Variants in EFCAB12 observed in about 807,000 individuals in gnomAD.
The protein encoded by EFCAB12 is EF-hand calcium-binding domain-containing protein 12.
A neutral mutation model predicts 53.6 loss-of-function variants in EFCAB12; 43 were observed. The ratio of observed to expected loss-of-function variants is 0.80; its 90% CI spans 0.63 to 1.03. EFCAB12 has a LOEUF of 1.03. Ranked by LOEUF, EFCAB12 falls within the 50% of genes least tolerant of loss-of-function variation. The pLI, the probability that EFCAB12 is intolerant of heterozygous loss-of-function variation, is 0.00. For synonymous variants in EFCAB12, 269 were observed against 289.2 expected (o/e 0.93, Z 0.71); for missense variants, 646 against 730.6 (o/e 0.88, Z 1.34).
At chr3:129,402,660 A>C in intron 7 of EFCAB12, 81 bp from the exon 8 acceptor site, 2 of 1,361,814 alleles carry the variant, frequency 1.5e-6, no homozygotes, top group Non-Finnish European at 2.0e-6. Context: ...TCAGGGCCGC[A>C]GGGGTGGACC....
Position 129,417,376 on chromosome 3 carries a change from A to C in EFCAB12, c.681+878T>G, listed in dbSNP as rs557129150. Among the ~76,000 whole-genome samples, 48 of 139,402 alleles carry C rather than the reference A, an allele frequency of 3.4e-4. 3 individuals are homozygous for C. In the South Asian group the frequency reaches 0.01, roughly 30 times the overall value. The allele number at this position is 139,402 out of a possible 152,430, so 91.5% of individuals were successfully genotyped here. ...AAACCCAAAACCAAAAAAAAAAAAA[A>C]CTAAAAACAAAAAACCTCAGATAGT... On this transcript the variant is annotated intron_variant, in intron 3 of 8. Coordinates refer to ENST00000505956, the MANE Select transcript of EFCAB12 (RefSeq NM_207307.3).
chr3:129,410,016 T>TG (rs2072014362), intron 5 of EFCAB12, among the ~76,000 whole-genome samples: 1 of 149,476 alleles, frequency 6.7e-6, no homozygotes, highest in Non-Finnish European at 1.5e-5. Context: ...ATTTATTTAT[T>TG]TTTTTTTTTA....
intron 1 of EFCAB12, among the ~76,000 whole-genome samples, chr3:129,423,367 C>T (rs2072212883): frequency 6.6e-6 from 1 of 152,150 alleles, no homozygotes; most frequent in Admixed American, 6.5e-5. Flanking sequence ...TAGCTTATGC[C>T]TGTAATCCAA....
intron 3 of EFCAB12, among the ~76,000 whole-genome samples, chr3:129,417,362 CAAAAAAAAAAAAAACTAA>C (rs1369354917): frequency 8.1e-6 from 1 of 123,832 alleles, no homozygotes; most frequent in Non-Finnish European, 1.8e-5. Context: ...AACCCAAAAC[CAAAAAAAAAAAAAACTAA>C]AAACAAAAAA....
At chr3:129,423,321 G>T (rs9852194) in intron 1 of EFCAB12, among the ~76,000 whole-genome samples, 1 of 152,136 alleles carries the variant, frequency 6.6e-6, no homozygotes, top group Non-Finnish European at 1.5e-5. Flanking sequence ...TAACAGTTTG[G>T]AAGTGTTCTA....
intron 1 of EFCAB12, among the ~76,000 whole-genome samples, chr3:129,423,053 G>C (rs9851725): frequency 6.6e-6 from 1 of 152,076 alleles, no homozygotes; most frequent in African/African-American, 2.4e-5. Context: ...ACAGACCTAT[G>C]ATGCTGGTAC....
intron 1 of EFCAB12, among the ~76,000 whole-genome samples, chr3:129,423,762 C>T (rs913510258): frequency 6.6e-6 from 1 of 152,184 alleles, no homozygotes; most frequent in African/African-American, 2.4e-5. Flanking sequence ...AAAGTTCAAG[C>T]TCCTTAACCT....
At chr3:129,403,589 C>G (rs2071905395) in intron 7 of EFCAB12, 1 of 152,378 alleles carries the variant, frequency 6.6e-6, no homozygotes, top group Non-Finnish European at 1.5e-5. Flanking sequence ...GCCAGCTGGG[C>G]TCTCCTCCTC....
intron 1 of EFCAB12, among the ~76,000 whole-genome samples, chr3:129,425,238 G>C (rs73865441): frequency 7.9e-4 from 120 of 152,200 alleles, no homozygotes; most frequent in African/African-American, 2.8e-3. Flanking sequence ...TCTGCCCTCA[G>C]CCAGGAGAGC....
chr3:129,428,184 A>G (rs2072294129), intron 1 of EFCAB12, among the ~76,000 whole-genome samples: 1 of 152,138 alleles, frequency 6.6e-6, no homozygotes, highest in African/African-American at 2.4e-5. Context: ...CTCCTCCAGT[A>G]CTGAATACAT....
In EFCAB12 at chr3:129,415,132, A is replaced by C. The variant is rs2072097398; in HGVS notation, c.838+113T>G. ...AGGCTTGGCCAAACCACAGTCGGCC[A>C]AAACTGGGGAACACACTGAGGAAGT... On this transcript the variant is annotated intron_variant, in intron 4 of 8. Transcript: ENST00000505956. 40 of 1,354,206 alleles carry C rather than the reference A, an allele frequency of 3.0e-5. No individual in the cohort carries two copies. In the South Asian group the frequency reaches 6.8e-4, roughly 23 times the overall value. 83.9% of individuals were successfully genotyped at this position (1,354,206 alleles called of 1,614,324 possible).
rs754908885 is a variant in EFCAB12 at position 129,408,751 on chromosome 3, C to T, written c.1143G>A (p.Arg381=). The T allele has an allele frequency of 2.5e-6, 4 of 1,581,384 alleles. No homozygotes were observed. The Admixed American group carries it at 7.1e-5, about 28-fold the overall frequency. The change falls in exon 6 of 9, where the codon AGG becomes AGA. Residue 381 remains arginine (R), a synonymous_variant. Coordinates refer to ENST00000505956, the MANE Select transcript of EFCAB12 (RefSeq NM_207307.3). ...GCCTGCGGGCCGAGTCAATGAGCTC[C>T]CTCATATCCCCGTGGATGGTGGACG... ...CLPSTIHGDM[R]ELIDSARRHN...
At chr3:129,421,112 C>T (rs953621700) in intron 2 of EFCAB12, among the ~76,000 whole-genome samples, 1 of 152,234 alleles carries the variant, frequency 6.6e-6, no homozygotes, top group South Asian at 2.1e-4. Flanking sequence ...CCAGAGCGAC[C>T]CAGCAAAGCT....
At position 129,426,496 on chromosome 3, in the gene EFCAB12, C is replaced by G. The variant is rs375985249; in HGVS notation, c.49+1944G>C. On this transcript the variant is annotated intron_variant, in intron 1 of 8. Coordinates refer to ENST00000505956, the MANE Select transcript of EFCAB12 (RefSeq NM_207307.3). ...TCTCCTGCCTCAGCCTCCCGAGTAC[C>G]TGGGACTACAGGTGTCTGCCACCAC... is the stretch of plus-strand genomic sequence containing the variant. Among the ~76,000 whole-genome samples, 90 of 151,464 alleles carry G rather than the reference C, an allele frequency of 5.9e-4. 1 individual carries two copies. The South Asian group carries it at 0.018, about 30-fold the overall frequency.
Position 129,428,552 on chromosome 3 carries a change from T to C in EFCAB12, c.-64A>G. On this transcript the variant is annotated 5_prime_UTR_variant, in exon 1 of 9. Transcript: ENST00000505956. ...GAATGTGTGTCGATGTGGGCTTGCT[T>C]GCGTAGGGGTACCGGGGTATCAGAT... The C allele has an allele frequency of 2.5e-6, 4 of 1,569,034 alleles. No homozygotes were observed. Among genetic ancestry groups the C allele is most frequent in the Non-Finnish European group, 3.5e-6 (4 of 1,153,040 alleles).
At chr3:129,409,267 T>C (rs1577040145) in intron 5 of EFCAB12, among the ~76,000 whole-genome samples, 1 of 151,974 alleles carries the variant, frequency 6.6e-6, no homozygotes, top group South Asian at 2.1e-4. Context: ...CTGGGCAACA[T>C]GGCAAAACTC....
At position 129,421,404 on chromosome 3, in the gene EFCAB12, TG is replaced by T. The variant is rs777981572; in HGVS notation, c.448del (p.Gln150SerfsTer76). On this transcript the variant is annotated frameshift_variant, in exon 2 of 9. Transcript: ENST00000505956. LOFTEE classifies it high-confidence loss of function. Reference sequence around the variant, plus strand: ...GGTAGTTGCCTGGGAGGCATTTGGCTGGGCACTCTGCTCCTCGTGGATCATG... The same window carrying T: ...GGTAGTTGCCTGGGAGGCATTTGGCTGGCACTCTGCTCCTCGTGGATCATG... ...LHMIHEEQSA[Q>X]PNASQATTRT... 6 of 1,611,766 alleles carry T rather than the reference TG, an allele frequency of 3.7e-6. No individual in the cohort carries two copies. The South Asian group carries it at 6.6e-5, about 18-fold the overall frequency.
chr3:129,421,859 C>G, intron 1 of EFCAB12, 56 bp from the exon 2 acceptor site: 3 of 1,500,530 alleles, frequency 2.0e-6, no homozygotes, highest in Non-Finnish European at 2.7e-6. Context: ...CTGAAAGGAG[C>G]CAGGAAGGAA....
At chr3:129,416,203 G>C (rs75994982) in intron 3 of EFCAB12, among the ~76,000 whole-genome samples, 4 of 152,048 alleles carry the variant, frequency 2.6e-5, no homozygotes, top group East Asian at 1.9e-4. Flanking sequence ...TGGAATGCCT[G>C]AGGCCAGGAG....
Sources: gnomAD v4.1 joint callset for allele counts (sites outside exome capture counted in the v4.1 genomes callset) on GRCh38, gnomAD v4.1.1 for gene constraint, MANE v1.5 for transcripts, NCBI Gene and HGNC (gene_info 2026-07-23, HGNC 2026-07-21) for gene names.